DOCK9: variants seen among roughly 807,000 people sequenced by gnomAD.
DOCK9 encodes the protein dedicator of cytokinesis 9.
DOCK9 carries 89 observed loss-of-function variants against 263.3 expected under a neutral mutation model. The ratio of observed to expected loss-of-function variants is 0.34; its 90% CI spans 0.28 to 0.40. The LOEUF is 0.40. Among genes scored for constraint, DOCK9 ranks in the 10% least tolerant of loss-of-function variants. The pLI, the probability that DOCK9 is intolerant of heterozygous loss-of-function variation, is 1.00. For synonymous variants in DOCK9, 976 were observed against 973.1 expected, an observed-to-expected ratio of 1.00 and a Z score of -0.06; for missense variants, 2,140 against 2,603.4, an observed-to-expected ratio of 0.82 and a Z score of 3.87.
At chr13:98,950,999 C>T (rs1416281789) in intron 2 of DOCK9, among the ~76,000 whole-genome samples, 1 of 152,180 alleles carries the variant, frequency 6.6e-6, no homozygotes, top group Admixed American at 6.5e-5. Context: ...TAAACAGAGG[C>T]TCATCATGTC....
chr13:98,816,545 C>G (rs1231359178), intron 45 of DOCK9, among the ~76,000 whole-genome samples: 1 of 151,794 alleles, frequency 6.6e-6, no homozygotes, highest in Non-Finnish European at 1.5e-5. Context: ...CCCAGAGTCT[C>G]GTGTGGGAGC....
At chr13:98,827,459 CAA>C (rs2092587151) in intron 43 of DOCK9, among the ~76,000 whole-genome samples, 1 of 152,126 alleles carries the variant, frequency 6.6e-6, no homozygotes, top group Non-Finnish European at 1.5e-5. Flanking sequence ...TTATAAAGAT[CAA>C]AGACAGCTGT....
At chr13:98,795,668 C>T (rs1314940671) in intron 52 of DOCK9, among the ~76,000 whole-genome samples, 1 of 152,228 alleles carries the variant, frequency 6.6e-6, no homozygotes, top group Non-Finnish European at 1.5e-5. Flanking sequence ...CAGAAAAGAT[C>T]TCAAGTTTTC....
At chr13:98,913,386 C>T (rs1286609490) in intron 9 of DOCK9, among the ~76,000 whole-genome samples, 1 of 151,690 alleles carries the variant, frequency 6.6e-6, no homozygotes, top group Non-Finnish European at 1.5e-5. Flanking sequence ...CACAAGGACA[C>T]AAGTACAAGG....
chr13:98,994,040 T>C (rs913558983), intron 1 of DOCK9, among the ~76,000 whole-genome samples: 13 of 152,140 alleles, frequency 8.5e-5, no homozygotes, highest in African/African-American at 2.9e-4. Context: ...CTTGCAAAGC[T>C]GGGTTTGGGA....
At chr13:99,060,228 C>T (rs1356672145) in intron 1 of DOCK9, among the ~76,000 whole-genome samples, 4 of 151,816 alleles carry the variant, frequency 2.6e-5, no homozygotes, top group South Asian at 2.1e-4. Context: ...CACCCGTCAC[C>T]GCACCCAGCT....
At chr13:98,988,180 G>A (rs1595837347) in intron 1 of DOCK9, among the ~76,000 whole-genome samples, 1 of 152,036 alleles carries the variant, frequency 6.6e-6, no homozygotes, top group African/African-American at 2.4e-5. Flanking sequence ...ATGCTTACAG[G>A]GTGCCTCCTT....
intron 27 of DOCK9, among the ~76,000 whole-genome samples, chr13:98,874,197 T>G (rs1171260515): frequency 6.6e-6 from 1 of 152,240 alleles, no homozygotes; most frequent in Admixed American, 6.5e-5. Flanking sequence ...CTCTGTAGTT[T>G]TTCTTTTTCT....
At chr13:99,018,434 G>T (rs1438678124) in intron 1 of DOCK9, among the ~76,000 whole-genome samples, 1 of 152,200 alleles carries the variant, frequency 6.6e-6, no homozygotes, top group African/African-American at 2.4e-5. Context: ...AGAATAGTGG[G>T]ACGAATAAAT....
At chr13:98,987,060 T>C (rs1878632733) in intron 1 of DOCK9, among the ~76,000 whole-genome samples, 1 of 152,084 alleles carries the variant, frequency 6.6e-6, no homozygotes, top group African/African-American at 2.4e-5. Flanking sequence ...ACCATCACCA[T>C]CTTCACCACC....
chr13:98,812,495 T>C (rs2091409026), intron 45 of DOCK9, among the ~76,000 whole-genome samples: 1 of 151,944 alleles, frequency 6.6e-6, no homozygotes, highest in African/African-American at 2.4e-5. Context: ...ATAGTTTTTA[T>C]TAACATCCGT....
intron 39 of DOCK9, among the ~76,000 whole-genome samples, chr13:98,836,974 C>T (rs1446787052): frequency 2.0e-5 from 3 of 151,662 alleles, no homozygotes; most frequent in African/African-American, 4.9e-5. Context: ...AGTCCATCTC[C>T]ACCTACTTGA....
intron 2 of DOCK9, among the ~76,000 whole-genome samples, chr13:98,954,810 G>T (rs1393297515): frequency 6.7e-6 from 1 of 149,732 alleles, no homozygotes; most frequent in Admixed American, 6.7e-5. Context: ...AGACAGAAAG[G>T]CACTTGTGCC....
intron 1 of DOCK9, among the ~76,000 whole-genome samples, chr13:98,970,684 C>G (rs900907433): frequency 7.9e-5 from 12 of 152,296 alleles, no homozygotes; most frequent in African/African-American, 2.2e-4. Flanking sequence ...TCCAAAGCCT[C>G]AAAATGTCAT....
At chr13:98,897,638 CT>C in intron 14 of DOCK9, 28 bp from the exon 15 acceptor site, 1 of 1,608,594 alleles carries the variant, frequency 6.2e-7, no homozygotes, top group Non-Finnish European at 8.5e-7. Context: ...CATTTCTAAA[CT>C]GGGTTTCCAA....
At chr13:98,885,119 C>T (rs2045480199) in intron 20 of DOCK9, 27 bp from the exon 21 acceptor site, 4 of 1,611,808 alleles carry the variant, frequency 2.5e-6, no homozygotes, top group Non-Finnish European at 3.4e-6. Flanking sequence ...ACAACAACAA[C>T]AACAGAACAC....
At chr13:98,814,078 C>A (rs1165471744) in intron 45 of DOCK9, among the ~76,000 whole-genome samples, 1 of 152,180 alleles carries the variant, frequency 6.6e-6, no homozygotes, top group Non-Finnish European at 1.5e-5. Context: ...CTAATGCCTA[C>A]AAAGATTACA....
At chr13:99,000,209 A>G (rs1364662418) in intron 1 of DOCK9, among the ~76,000 whole-genome samples, 1 of 152,188 alleles carries the variant, frequency 6.6e-6, no homozygotes, top group East Asian at 1.9e-4. Context: ...TCCTTTTCAC[A>G]GCCCTTCTCT....
At chr13:98,975,466 A>AACACACAC (rs778389687) in intron 1 of DOCK9, among the ~76,000 whole-genome samples, 9 of 98,352 alleles carry the variant, frequency 9.2e-5, no homozygotes, top group Admixed American at 1.1e-4. Flanking sequence ...ATATTCTCTA[A>AACACACAC]ACACATACAC....
Sources: allele counts gnomAD v4.1 joint callset (sites outside exome capture counted in the v4.1 genomes callset), GRCh38; gene constraint gnomAD v4.1.1; transcripts MANE v1.5; gene names NCBI Gene and HGNC (gene_info 2026-07-23, HGNC 2026-07-21).